ABCA4: variants seen among roughly 807,000 people sequenced by gnomAD.
The protein encoded by ABCA4 is retinal-specific phospholipid-transporting ATPase ABCA4.
Under a neutral mutation model 263.7 loss-of-function variants are expected in ABCA4, and 196 were observed. The observed-to-expected ratio is 0.74, with a 90% confidence interval of 0.66 to 0.84. The LOEUF is 0.84. ABCA4 is among the 40% of genes least tolerant of loss of function. ABCA4 has a pLI of 0.00. For synonymous variants in ABCA4, 1,133 were observed against 1,094.2 expected (o/e 1.04, Z -0.70); for missense variants, 2,792 against 2,855.1 (o/e 0.98, Z 0.50).
intron 38 of ABCA4, among the ~76,000 whole-genome samples, chr1:94,013,512 G>A (rs1170342333): frequency 6.6e-6 from 1 of 152,204 alleles, no homozygotes; most frequent in East Asian, 1.9e-4. Context: ...GGAGAGGAAA[G>A]GTTGAGGCGC....
intron 6 of ABCA4, among the ~76,000 whole-genome samples, chr1:94,085,234 A>G (rs1257754063): frequency 2.0e-5 from 3 of 152,208 alleles, no homozygotes; most frequent in Non-Finnish European, 4.4e-5. Flanking sequence ...CTTCAAAAAA[A>G]CTTCAGGAAA....
At chr1:94,111,398 G>T (rs1225607405) in intron 3 of ABCA4, 40 bp downstream of exon 3, 1 of 1,610,274 alleles carries the variant, frequency 6.2e-7, no homozygotes, top group African/African-American at 1.3e-5. Flanking sequence ...GAAGGGGTGT[G>T]CAACTTCCTC....
At chr1:94,036,652 A>C in intron 26 of ABCA4, 88 bp downstream of exon 26, 2 of 1,408,424 alleles carry the variant, frequency 1.4e-6, no homozygotes, top group Non-Finnish European at 2.0e-6. Flanking sequence ...TACAGGCATG[A>C]GCCACTGTGC....
chr1:94,048,290 A>G (rs532350809), intron 18 of ABCA4, among the ~76,000 whole-genome samples: 4 of 150,174 alleles, frequency 2.7e-5, no homozygotes, highest in East Asian at 2.5e-4. Flanking sequence ...GAAATACAGA[A>G]CTAGTTTAAG....
At chr1:94,037,790 A>G (rs1273474437) in intron 24 of ABCA4, among the ~76,000 whole-genome samples, 1 of 152,216 alleles carries the variant, frequency 6.6e-6, no homozygotes, top group Non-Finnish European at 1.5e-5. Flanking sequence ...CAAACTACAC[A>G]AAGCAGTTAG....
At chr1:94,047,728 G>T (rs1385583392) in intron 18 of ABCA4, among the ~76,000 whole-genome samples, 1 of 152,082 alleles carries the variant, frequency 6.6e-6, no homozygotes, top group African/African-American at 2.4e-5. Flanking sequence ...AGAACTCCCA[G>T]GTTTTCCAAT....
rs561541812 is a variant in ABCA4, at chr1:94,073,032, C to T, written c.1554+4658G>A. 5.1e-4 allele frequency among the ~76,000 whole-genome samples: 78 copies of T among 152,250 alleles called. 2 individuals are homozygous for T. The South Asian group carries it at 0.016, about 31-fold the overall frequency. On this transcript the variant is annotated intron_variant, in intron 11 of 49. Coordinates refer to ENST00000370225, the MANE Select transcript of ABCA4 (RefSeq NM_000350.3). Reference sequence around the variant, plus strand: ...ACCCCCAGGCAGGCCTTCAGCAGCCCAGTGAAGCAACATCCTTGCTTTCAG... The same window carrying T: ...ACCCCCAGGCAGGCCTTCAGCAGCCTAGTGAAGCAACATCCTTGCTTTCAG...
In ABCA4 at chr1:94,098,923, G is replaced by A; in HGVS notation, c.639C>T (p.Phe213=). ...CCCCGCGTCTCTGGCTGAAGATGAT[G>A]AAGCGCTCCAGGAGGGCCTCGCTGC... The part of the protein sequence containing the change: ...IACSEALLER[F]IIFSQRRGAK... The change falls in exon 6 of 50, where the codon TTC becomes TTT. Residue 213 remains phenylalanine (F), a synonymous_variant. Transcript: ENST00000370225. 1 of 1,613,666 alleles carries A rather than the reference G, an allele frequency of 6.2e-7. No individual in the cohort carries two copies. The highest frequency in any genetic ancestry group is 2.2e-5 in the East Asian group (1 of 44,882).
chr1:94,104,421 C>T lies in ABCA4; in HGVS notation c.443-1279G>A, dbSNP rs137988881. On this transcript the variant is annotated intron_variant, in intron 4 of 49. Coordinates refer to ENST00000370225, the MANE Select transcript of ABCA4 (RefSeq NM_000350.3). ...AATTCCACGGCATCCCATCCTCTTC[C>T]TCTCCAAATTCTCCCCTCCCCCAGT... Among the ~76,000 whole-genome samples the T allele has an allele frequency of 2.0e-5, 3 of 152,342 alleles. No individual in the cohort carries two copies. The East Asian group carries it at 5.8e-4, about 29-fold the overall frequency.
intron 14 of ABCA4, among the ~76,000 whole-genome samples, chr1:94,057,149 A>G (rs1296561906): frequency 6.6e-6 from 1 of 152,186 alleles, no homozygotes; most frequent in Non-Finnish European, 1.5e-5. Context: ...CTAACCTGTA[A>G]TCAGGGACTT....
chr1:94,111,950 A>G (rs1290873981), intron 2 of ABCA4, among the ~76,000 whole-genome samples: 1 of 152,208 alleles, frequency 6.6e-6, no homozygotes, highest in Non-Finnish European at 1.5e-5. Context: ...TATTCCTTCA[A>G]CCACGGTGAA....
chr1:94,118,121 A>G (rs1441383169), intron 1 of ABCA4, among the ~76,000 whole-genome samples: 2 of 152,148 alleles, frequency 1.3e-5, no homozygotes, highest in Non-Finnish European at 2.9e-5. Context: ...CAACCCCACC[A>G]GTTACTAATC....
chr1:94,039,024 T>C (rs1399002817), intron 24 of ABCA4, among the ~76,000 whole-genome samples: 3 of 152,312 alleles, frequency 2.0e-5, no homozygotes, highest in African/African-American at 4.8e-5. Flanking sequence ...CAATCTGATT[T>C]TGGCAAATCA....
chr1:94,024,851 T>C (rs1038779998), intron 31 of ABCA4, 103 bp downstream of exon 31: 21 of 1,039,088 alleles, frequency 2.0e-5, no homozygotes, highest in Non-Finnish European at 2.9e-5. Context: ...AAAAATCTAC[T>C]GCCCTGATCA....
chr1:94,040,488 A>C (rs901140991), intron 23 of ABCA4, among the ~76,000 whole-genome samples: 2 of 152,184 alleles, frequency 1.3e-5, no homozygotes, highest in African/African-American at 4.8e-5. Context: ...CTTAAACCAG[A>C]GGCATAAATA....
intron 11 of ABCA4, among the ~76,000 whole-genome samples, chr1:94,076,048 G>T (rs1185844154): frequency 6.6e-6 from 1 of 152,198 alleles, no homozygotes; most frequent in Non-Finnish European, 1.5e-5. Flanking sequence ...CTCAGCAGAT[G>T]AGGAAAGGGA....
chr1:94,043,616 A>G, intron 20 of ABCA4, 141 bp from the exon 21 acceptor site: 1 of 1,144,708 alleles, frequency 8.7e-7, no homozygotes, highest in East Asian at 2.6e-5. Flanking sequence ...ATACAATACA[A>G]AAATAGCAGA....
chr1:94,021,627 A>C lies in ABCA4; in HGVS notation c.4848+13T>G. The C allele has an allele frequency of 1.2e-6, 2 of 1,606,284 alleles. No individual in the cohort carries two copies. Among genetic ancestry groups the C allele is most frequent in the Non-Finnish European group, 8.5e-7 (1 of 1,174,360 alleles). The stretch of plus-strand genomic sequence containing the variant: ...TTTTTAGCTCCAGAGCAGATTATAC[A>C]TAGGTCAAGTACCTTAATGTTGTCT... On this transcript the variant is annotated intron_variant, in intron 34 of 49. Transcript: ENST00000370225.
Position 93,992,953 on chromosome 1 carries a change from A to G in ABCA4, c.*284T>C, listed in dbSNP as rs1658908697. Reference sequence around the variant, plus strand: ...GAAATGAGAGCAATATGGAGGCCAAAGCTGCTAGTGGGATGGCCCGGGGTT... The same window carrying G: ...GAAATGAGAGCAATATGGAGGCCAAGGCTGCTAGTGGGATGGCCCGGGGTT... On this transcript the variant is annotated 3_prime_UTR_variant, in exon 50 of 50. Coordinates refer to ENST00000370225, the MANE Select transcript of ABCA4 (RefSeq NM_000350.3). 3.9e-6 allele frequency: 2 copies of G among 512,732 alleles called. No homozygotes were observed. Among genetic ancestry groups the G allele is most frequent in the Non-Finnish European group, 7.1e-6 (2 of 282,860 alleles). 31.8% of individuals were successfully genotyped at this position (512,732 alleles called of 1,614,324 possible).
Sources: gnomAD v4.1 joint callset for allele counts (sites outside exome capture counted in the v4.1 genomes callset) on GRCh38, gnomAD v4.1.1 for gene constraint, MANE v1.5 for transcripts, NCBI Gene and HGNC (gene_info 2026-07-23, HGNC 2026-07-21) for gene names.